The following CHST9 variants were observed in gnomAD, a reference collection of about 807,000 sequenced individuals.
The protein encoded by CHST9 is GalNAc-4-sulfotransferase 2.
CHST9 carries 41 observed loss-of-function variants against 44.4 expected under a neutral mutation model. The ratio of observed to expected loss-of-function variants is 0.92; its 90% CI spans 0.72 to 1.20. The LOEUF is 1.20. Ranked by LOEUF, CHST9 falls within the 50% of genes most tolerant of loss-of-function variation. CHST9 has a pLI of 0.00. For missense variants in CHST9, 504 were observed against 516.5 expected (o/e 0.98, Z 0.23); for synonymous variants, 171 against 178.4 (o/e 0.96, Z 0.33).
At chr18:27,004,026 G>A (rs1465243676) in intron 4 of CHST9, among the ~76,000 whole-genome samples, 1 of 151,278 alleles carries the variant, frequency 6.6e-6, no homozygotes, top group African/African-American at 2.4e-5. Context: ...TATGGAAATA[G>A]GAATATGAGT....
chr18:27,029,430 T>C (rs1451704177), intron 3 of CHST9, among the ~76,000 whole-genome samples: 1 of 152,140 alleles, frequency 6.6e-6, no homozygotes, highest in Non-Finnish European at 1.5e-5. Context: ...CATGATGCAA[T>C]GGTCCCATGG....
At chr18:27,094,642 A>G (rs904067862) in intron 2 of CHST9, among the ~76,000 whole-genome samples, 7 of 152,218 alleles carry the variant, frequency 4.6e-5, no homozygotes, top group African/African-American at 1.7e-4. Context: ...CTTGGAGAAA[A>G]AGCAATGGTC....
chr18:27,093,364 G>A (rs1469035802), intron 2 of CHST9, among the ~76,000 whole-genome samples: 1 of 152,254 alleles, frequency 6.6e-6, no homozygotes, highest in Non-Finnish European at 1.5e-5. Context: ...GTGAAGTCTA[G>A]AGGCAGTAGG....
At chr18:26,997,578 G>T (rs190305530) in intron 4 of CHST9, among the ~76,000 whole-genome samples, 4 of 152,234 alleles carry the variant, frequency 2.6e-5, no homozygotes, top group East Asian at 3.9e-4. Context: ...TAATGCCATG[G>T]GAAAGAGTTC....
Position 26,917,022 on chromosome 18 carries a change from C to T in CHST9, c.569G>A (p.Gly190Asp), listed in dbSNP as rs753556095. Residue 190 changes from glycine to aspartate, a missense_variant, in exon 6 of 6, where the codon GGT becomes GAT. Coordinates refer to ENST00000618847, the MANE Select transcript of CHST9 (RefSeq NM_031422.6). ...ATGTGACTGATGATGACTCACCCCA[C>T]CGTATTTCTTGCAAAACTCCTGAAG... The part of the protein sequence containing the change: ...SFLQEFCKKY[G>D]GVSHHQSHLF... 10 of 1,613,930 alleles carry T rather than the reference C, an allele frequency of 6.2e-6. No individual in the cohort carries two copies. The highest frequency in any genetic ancestry group is 2.2e-5 in the East Asian group (1 of 44,874).
At chr18:27,097,594 A>G (rs1216216810) in intron 2 of CHST9, among the ~76,000 whole-genome samples, 2 of 152,018 alleles carry the variant, frequency 1.3e-5, no homozygotes, top group South Asian at 2.1e-4. Flanking sequence ...TGATTAGATC[A>G]CATTTGTCAG....
chr18:27,125,490 G>GT (rs544646595), intron 2 of CHST9, among the ~76,000 whole-genome samples: 70 of 152,156 alleles, frequency 4.6e-4, no homozygotes, highest in Non-Finnish European at 9.4e-4. Flanking sequence ...AAGCTGGGGA[G>GT]TTTCCTTCTG....
chr18:26,916,384 C>G lies in CHST9; in HGVS notation c.1207G>C (p.Glu403Gln). The change falls in exon 6 of 6, where the codon GAA becomes CAA. Residue 403 changes from glutamate to glutamine, a missense_variant. Glu to Gln is a conservative substitution (Grantham distance 29). Transcript: ENST00000618847. ...CTCACGACTTGAGCATTGGTTCTTT[C>G]ATCGGAAGAGTGCCTATCCTTAAAG... ...PNFKDRHSSD[E>Q]RTNAQVVRQY... 1.5e-5 allele frequency: 24 copies of G among 1,613,798 alleles called. No individual in the cohort carries two copies. The highest frequency in any genetic ancestry group is 1.8e-5 in the Non-Finnish European group (21 of 1,179,718).
chr18:27,024,220 T>G, intron 3 of CHST9, 63 bp from the exon 4 acceptor site: 1 of 1,412,110 alleles, frequency 7.1e-7, no homozygotes, highest in Non-Finnish European at 9.8e-7. Context: ...TTATAAAACT[T>G]TCTACACAAA....
At chr18:26,972,357 C>CAAAAAAAAA (rs887066938) in intron 4 of CHST9, among the ~76,000 whole-genome samples, 1 of 65,244 alleles carries the variant, frequency 1.5e-5, no homozygotes, top group African/African-American at 5.5e-5. Flanking sequence ...ACTCCAACTC[C>CAAAAAAAAA]AAAAAAAAAA....
At chr18:26,923,887 T>C (rs976229234) in intron 5 of CHST9, among the ~76,000 whole-genome samples, 15 of 152,136 alleles carry the variant, frequency 9.9e-5, no homozygotes, top group Non-Finnish European at 1.5e-4. Context: ...GAGATGAGCC[T>C]GGGAAGATGA....
chr18:27,048,396 A>T, intron 3 of CHST9, 69 bp downstream of exon 3: 1 of 1,252,878 alleles, frequency 8.0e-7, no homozygotes. Flanking sequence ...TGAATAATAA[A>T]TTTTAAAAAA....
chr18:26,989,596 A>G (rs1031650611), intron 4 of CHST9, among the ~76,000 whole-genome samples: 1 of 152,260 alleles, frequency 6.6e-6, no homozygotes, highest in African/African-American at 2.4e-5. Context: ...GAAATAAAAG[A>G]ATGTCCATAC....
chr18:26,910,171 C>A lies in CHST9; in HGVS notation c.*6088G>T, dbSNP rs548230545. On this transcript the variant is annotated 3_prime_UTR_variant, in exon 6 of 6. Coordinates refer to ENST00000618847, the MANE Select transcript of CHST9 (RefSeq NM_031422.6). ...ACCCAGTGGCTACGACAGAAAGATG[C>A]CAAAAAAAGGTACTGGATTTCTCCC... The A allele has an allele frequency of 6.6e-6, 1 of 151,700 alleles. No individual in the cohort carries two copies. The highest frequency in any genetic ancestry group is 1.5e-5 in the Non-Finnish European group (1 of 67,888). The allele number at this position is 151,700 out of a possible 1,614,324, so 9.4% of individuals were successfully genotyped here.
intron 4 of CHST9, among the ~76,000 whole-genome samples, chr18:26,967,579 A>T (rs1027371324): frequency 6.6e-6 from 1 of 152,224 alleles, no homozygotes; most frequent in African/African-American, 2.4e-5. Flanking sequence ...CAATTTGTCA[A>T]TGAAACTTCT....
intron 3 of CHST9, among the ~76,000 whole-genome samples, chr18:27,036,873 T>A (rs778075237): frequency 2.6e-5 from 4 of 152,168 alleles, no homozygotes; most frequent in African/African-American, 4.8e-5. Context: ...TATGATGCTG[T>A]CCAGTGGATC....
At chr18:26,983,558 G>A (rs1447209550) in intron 4 of CHST9, among the ~76,000 whole-genome samples, 8 of 152,266 alleles carry the variant, frequency 5.3e-5, no homozygotes, top group African/African-American at 1.7e-4. Context: ...CCAGCTTCGT[G>A]TATAGCCTGC....
intron 2 of CHST9, among the ~76,000 whole-genome samples, chr18:27,124,246 C>T (rs9959629): frequency 0.011 from 1,607 of 152,294 alleles, 24 homozygotes; most frequent in African/African-American, 0.034. Context: ...CCAACATGAG[C>T]CAAGTTAACT....
chr18:26,922,254 T>G (rs1344633219), intron 5 of CHST9, among the ~76,000 whole-genome samples: 1 of 152,166 alleles, frequency 6.6e-6, no homozygotes, highest in Non-Finnish European at 1.5e-5. Flanking sequence ...TCTTGGGACG[T>G]TCAAAATCTT....
Sources: gnomAD v4.1 joint callset for allele counts (sites outside exome capture counted in the v4.1 genomes callset) on GRCh38, gnomAD v4.1.1 for gene constraint, MANE v1.5 for transcripts, NCBI Gene and HGNC (gene_info 2026-07-23, HGNC 2026-07-21) for gene names.